Variants in WWP1 observed in about 807,000 individuals in gnomAD.
The protein encoded by WWP1 is NEDD4-like E3 ubiquitin-protein ligase WWP1.
In WWP1, 49 loss-of-function variants were observed where a neutral mutation model predicts 130.6. The observed-to-expected ratio is 0.38, with a 90% CI of 0.30 to 0.48. WWP1 has a LOEUF of 0.48. WWP1 is among the 20% of genes least tolerant of loss of function. WWP1 has a pLI of 0.99. For synonymous variants in WWP1, 332 were observed against 367.8 expected, an observed-to-expected ratio of 0.90 and a Z score of 1.11; for missense variants, 809 against 1,100.6, an observed-to-expected ratio of 0.74 and a Z score of 3.75.
At chr8:86,422,555 T>A (rs1809289913) in intron 9 of WWP1, among the ~76,000 whole-genome samples, 1 of 151,188 alleles carries the variant, frequency 6.6e-6, no homozygotes, top group African/African-American at 2.4e-5. Flanking sequence ...GGATTTTTAG[T>A]AGAGATGGGG....
chr8:86,410,906 G>A (rs922182615), intron 8 of WWP1, among the ~76,000 whole-genome samples: 1 of 151,886 alleles, frequency 6.6e-6, no homozygotes, highest in African/African-American at 2.4e-5. Flanking sequence ...CTTCCAGTAG[G>A]TTTTGTTCTG....
intron 17 of WWP1, 49 bp from the exon 18 acceptor site, chr8:86,442,570 A>T (rs1402691890): frequency 6.7e-7 from 1 of 1,495,994 alleles, no homozygotes; most frequent in Non-Finnish European, 9.0e-7. Context: ...ATCTGTTTTT[A>T]AATTCACATA....
intron 9 of WWP1, among the ~76,000 whole-genome samples, chr8:86,424,205 C>T (rs62510792): frequency 0.31 from 46,055 of 148,868 alleles, 8,691 homozygotes; most frequent in Middle Eastern, 0.45. Flanking sequence ...ACATCCCAGA[C>T]GGGGCGGCGG....
intron 7 of WWP1, among the ~76,000 whole-genome samples, chr8:86,401,340 G>A (rs1325263604): frequency 6.6e-6 from 1 of 151,916 alleles, no homozygotes; most frequent in African/African-American, 2.4e-5. Flanking sequence ...TGGGAGGATC[G>A]CTTGAGGCCA....
chr8:86,460,833 A>G (rs530196465), intron 22 of WWP1, among the ~76,000 whole-genome samples: 1,076 of 82,874 alleles, frequency 0.013, 20 homozygotes, highest in African/African-American at 0.042. Context: ...TTTTTGAGAC[A>G]GAGTCTTGCT....
intron 8 of WWP1, among the ~76,000 whole-genome samples, chr8:86,404,216 A>G (rs909143451): frequency 1.2e-4 from 19 of 152,348 alleles, no homozygotes; most frequent in Admixed American, 1.0e-3. Context: ...ACAAATATCT[A>G]AAATCTGAAA....
At chr8:86,456,502 G>A (rs1811451925) in intron 21 of WWP1, among the ~76,000 whole-genome samples, 1 of 151,844 alleles carries the variant, frequency 6.6e-6, no homozygotes, top group Non-Finnish European at 1.5e-5. Flanking sequence ...TTAGTAATTG[G>A]GGAAATGCAA....
chr8:86,439,342 C>CAA (rs59635746), intron 17 of WWP1, among the ~76,000 whole-genome samples: 11 of 127,076 alleles, frequency 8.7e-5, no homozygotes, highest in Admixed American at 6.3e-4. Context: ...GACGCTGTGT[C>CAA]AAAAAAAAAA....
At chr8:86,413,434 T>C (rs1278417480) in intron 9 of WWP1, among the ~76,000 whole-genome samples, 1 of 152,148 alleles carries the variant, frequency 6.6e-6, no homozygotes, top group Non-Finnish European at 1.5e-5. Flanking sequence ...TACAGTACAA[T>C]TAAAGCTATG....
intron 9 of WWP1, among the ~76,000 whole-genome samples, chr8:86,422,984 T>C (rs568907291): frequency 6.6e-6 from 1 of 152,048 alleles, no homozygotes; most frequent in African/African-American, 2.4e-5. Context: ...ATGGGTACTT[T>C]TGAAATTATA....
intron 1 of WWP1, among the ~76,000 whole-genome samples, chr8:86,346,007 A>G (rs1822555456): frequency 6.6e-6 from 1 of 152,222 alleles, no homozygotes; most frequent in African/African-American, 2.4e-5. Flanking sequence ...TGGCTTTACC[A>G]TCAATTAAAT....
rs778595986 is a variant in WWP1, at chr8:86,411,642, A to G, written c.829A>G (p.Thr277Ala). The change falls in exon 9 of 25, where the codon ACT becomes GCT. Residue 277 changes from threonine (T) to alanine (A), a missense_variant. Transcript: ENST00000517970. ...CTTGTCTCCAAATTGCACTAGTACT[A>G]CTGTTGAAGATCCTCCAGTTCAAGA... The part of the protein sequence containing the change: ...NALSPNCTST[T>A]VEDPPVQEIL... 2.5e-6 allele frequency: 4 copies of G among 1,614,176 alleles called. No individual in the cohort carries two copies. Among genetic ancestry groups the G allele is most frequent in the South Asian group, 2.2e-5 (2 of 91,088 alleles).
rs551898570 is a variant in WWP1 at position 86,381,906 on chromosome 8, A to C, written c.334+277A>C. Among the ~76,000 whole-genome samples the C allele has an allele frequency of 1.4e-3, 220 of 152,292 alleles. 3 individuals carry two copies. The South Asian group carries it at 0.015, about 10-fold the overall frequency. ...TATTTGCTTATTATTATATTCTTTA[A>C]AACTTGAGAAAATTATCATTACATG... is the stretch of plus-strand genomic sequence containing the variant. On this transcript the variant is annotated intron_variant, in intron 5 of 24. Transcript: ENST00000517970.
At chr8:86,434,129 C>T (rs1016858326) in intron 14 of WWP1, among the ~76,000 whole-genome samples, 3 of 152,136 alleles carry the variant, frequency 2.0e-5, no homozygotes, top group African/African-American at 7.2e-5. Context: ...CTTCCCACAC[C>T]TTGTACAATG....
intron 16 of WWP1, 68 bp downstream of exon 16, chr8:86,435,772 A>G: frequency 2.7e-6 from 4 of 1,506,338 alleles, no homozygotes; most frequent in Non-Finnish European, 1.8e-6. Context: ...AAAGAAAGTC[A>G]GGGTTTTAGA....
rs546058621 is a variant in WWP1, at chr8:86,431,791, A to G, written c.1601+48A>G. 26 of 1,604,588 alleles carry G rather than the reference A, an allele frequency of 1.6e-5. 1 individual carries two copies. The highest frequency in any genetic ancestry group is 1.5e-4 in the Admixed American group (9 of 58,206). ...CCTTTAAATATTGCTTAGTGAGCACATGAGATTTAGTCTCTAATTTATCCT... is the reference window on the plus strand; with the variant it reads ...CCTTTAAATATTGCTTAGTGAGCACGTGAGATTTAGTCTCTAATTTATCCT... On this transcript the variant is annotated intron_variant, in intron 14 of 24. Transcript: ENST00000517970.
chr8:86,425,132 A>C (rs145000575), intron 9 of WWP1, 91 bp from the exon 10 acceptor site: 1 of 894,546 alleles, frequency 1.1e-6, no homozygotes, highest in Non-Finnish European at 1.7e-6. Context: ...TGTAAAGCTT[A>C]TCTGTAATTT....
chr8:86,446,925 CA>C, intron 18 of WWP1, among the ~76,000 whole-genome samples: 1 of 152,246 alleles, frequency 6.6e-6, no homozygotes, highest in South Asian at 2.1e-4. Context: ...TAGTAGAACA[CA>C]AAAGTTTTCT....
At chr8:86,420,046 C>A (rs1419649878) in intron 9 of WWP1, among the ~76,000 whole-genome samples, 1 of 152,178 alleles carries the variant, frequency 6.6e-6, no homozygotes, top group Non-Finnish European at 1.5e-5. Flanking sequence ...CAAAAGTTCA[C>A]TTCTTATGTC....
Sources: allele counts gnomAD v4.1 joint callset (sites outside exome capture counted in the v4.1 genomes callset), GRCh38; gene constraint gnomAD v4.1.1; transcripts MANE v1.5; gene names NCBI Gene and HGNC (gene_info 2026-07-23, HGNC 2026-07-21).